The following KIF6 variants were observed in gnomAD, a reference collection of about 807,000 sequenced individuals.
KIF6 encodes kinesin-like protein KIF6.
A neutral mutation model predicts 112.7 loss-of-function variants in KIF6; 106 were observed. That is an observed-to-expected ratio of 0.94 (90% CI 0.80 to 1.11). The LOEUF (loss-of-function observed/expected upper bound fraction) is 1.11, where lower values mean the gene tolerates loss of function less well. Ranked by LOEUF, KIF6 falls within the 50% of genes least tolerant of loss-of-function variation. KIF6 has a pLI of 0.00. For synonymous variants in KIF6, 339 were observed against 339.9 expected (o/e 1.00, Z 0.03); for missense variants, 929 against 964.0 (o/e 0.96, Z 0.48).
intron 2 of KIF6, among the ~76,000 whole-genome samples, chr6:39,718,229 CAAAAAAAAAAAAAA>C (rs35872391): frequency 3.4e-5 from 2 of 58,948 alleles, no homozygotes; most frequent in African/African-American, 6.8e-5. Context: ...GACTCCATCT[CAAAAAAAAAAAAAA>C]AAAAAAAAAA....
At chr6:39,377,675 A>C (rs1017168714) in intron 16 of KIF6, among the ~76,000 whole-genome samples, 33 of 152,200 alleles carry the variant, frequency 2.2e-4, no homozygotes, top group Admixed American at 1.3e-3. Context: ...GGGGGAAAAG[A>C]GCCCTCTCAG....
intron 13 of KIF6, among the ~76,000 whole-genome samples, chr6:39,497,942 G>T (rs368074023): frequency 6.6e-6 from 1 of 152,074 alleles, no homozygotes; most frequent in African/African-American, 2.4e-5. Context: ...TTAAAGAAAC[G>T]TTCTGTCCTA....
At chr6:39,355,152 C>G (rs773410178) in intron 19 of KIF6, among the ~76,000 whole-genome samples, 1 of 152,112 alleles carries the variant, frequency 6.6e-6, no homozygotes, top group Non-Finnish European at 1.5e-5. Flanking sequence ...CACTGCTGTA[C>G]TCCAGCATGA....
Position 39,578,077 on chromosome 6 carries a change from A to G in KIF6, c.1160T>C (p.Leu387Pro). ...TTACTGAAGGAGCTCTGCTTCTGTG[A>G]GTGCCTCTGTCCTCTGCTCCCCAGT... ...MVTGEQRTEALTEAELLQLEK... is the reference protein window; with the variant it reads ...MVTGEQRTEAPTEAELLQLEK... The change falls in exon 10 of 23, where the codon CTC becomes CCC. Residue 387 changes from leucine (L) to proline (P), a missense_variant. Leu to Pro is a moderately conservative substitution (Grantham distance 98, BLOSUM62 -3). This residue lies in a region of KIF6 where 688 missense variants were observed against 662.7 expected (regional missense o/e 1.04). Coordinates refer to ENST00000287152, the MANE Select transcript of KIF6 (RefSeq NM_145027.6). 1 of 1,613,564 alleles carries G rather than the reference A, an allele frequency of 6.2e-7. No individual in the cohort carries two copies. Among genetic ancestry groups the G allele is most frequent in the Admixed American group, 1.7e-5 (1 of 59,998 alleles).
At chr6:39,365,771 G>C (rs537782430) in intron 16 of KIF6, among the ~76,000 whole-genome samples, 1 of 152,326 alleles carries the variant, frequency 6.6e-6, no homozygotes, top group South Asian at 2.1e-4. Context: ...CCACTCTGCG[G>C]TGACTGGCTA....
rs1787653410 is a variant in KIF6 at position 39,683,449 on chromosome 6, A to G, written c.251+31243T>C. Among the ~76,000 whole-genome samples, 3 of 152,234 alleles carry G rather than the reference A, an allele frequency of 2.0e-5. No homozygotes were observed. In the South Asian group the frequency reaches 6.2e-4, roughly 31 times the overall value. Reference sequence around the variant, plus strand: ...ATTGAGGGAGGACAGATTTGGATAAAGAGGATCAAGAGTTCCTTAAAATAT... The same window carrying G: ...ATTGAGGGAGGACAGATTTGGATAAGGAGGATCAAGAGTTCCTTAAAATAT... On this transcript the variant is annotated intron_variant, in intron 3 of 22. Coordinates refer to ENST00000287152, the MANE Select transcript of KIF6 (RefSeq NM_145027.6).
rs1388867511 is a variant in KIF6, at chr6:39,443,113, CAAA to C, written c.1646-11955_1646-11953del. Among the ~76,000 whole-genome samples the C allele has an allele frequency of 4.7e-5, 4 of 84,534 alleles. No individual in the cohort carries two copies. The South Asian group carries it at 1.4e-3, about 29-fold the overall frequency. The allele number at this position is 84,534 out of a possible 152,430, so 55.5% of individuals were successfully genotyped here. On this transcript the variant is annotated intron_variant, in intron 13 of 22. Transcript: ENST00000287152. ...TGGGCGACAGAGTGAGACTGCATCT[CAAA>C]TAATAATAATAATAATAATAATAAT...
chr6:39,533,126 G>T (rs376805547), intron 13 of KIF6, among the ~76,000 whole-genome samples: 2 of 152,238 alleles, frequency 1.3e-5, no homozygotes, highest in South Asian at 2.1e-4. Context: ...AAGGTACTGG[G>T]TTCATCTCAC....
chr6:39,590,451 A>ATT lies in KIF6; in HGVS notation c.847-4049_847-4048dup, dbSNP rs58169713. Among the ~76,000 whole-genome samples, 98 of 84,752 alleles carry ATT rather than the reference A, an allele frequency of 1.2e-3. 1 individual carries two copies. Among genetic ancestry groups the ATT allele is most frequent in the Admixed American group, 1.6e-3 (12 of 7,640 alleles). The allele number at this position is 84,752 out of a possible 152,430, so 55.6% of individuals were successfully genotyped here. On this transcript the variant is annotated intron_variant, in intron 7 of 22. Transcript: ENST00000287152. Reference sequence around the variant, plus strand: ...TGTGTATATATATATATATATATATATTTTTTTTTTTTTTTTGAGATGGAG... The same window carrying ATT: ...TGTGTATATATATATATATATATATATTTTTTTTTTTTTTTTTTGAGATGGAG...
Position 39,539,191 on chromosome 6 carries a change from C to T in KIF6, c.1645+812G>A, listed in dbSNP as rs541354198. ...ATGTAACTAACCTGCATATTGTGCA[C>T]ATGTACCCGAAAACTTAAAGTATAA... On this transcript the variant is annotated intron_variant, in intron 13 of 22. Coordinates refer to ENST00000287152, the MANE Select transcript of KIF6 (RefSeq NM_145027.6). Among the ~76,000 whole-genome samples, 4 of 150,130 alleles carry T rather than the reference C, an allele frequency of 2.7e-5. No individual in the cohort carries two copies. The South Asian group carries it at 8.5e-4, about 32-fold the overall frequency.
chr6:39,680,376 C>T (rs1025939018), intron 3 of KIF6, among the ~76,000 whole-genome samples: 12 of 152,192 alleles, frequency 7.9e-5, no homozygotes, highest in African/African-American at 2.9e-4. Context: ...TAATATTTGT[C>T]AGTAATTCCT....
chr6:39,385,065 A>G (rs879657494), intron 16 of KIF6, among the ~76,000 whole-genome samples: 1 of 152,224 alleles, frequency 6.6e-6, no homozygotes, highest in Non-Finnish European at 1.5e-5. Flanking sequence ...ATGAGGGCTA[A>G]CAGCACCAAG....
chr6:39,603,874 G>C (rs995115003), intron 6 of KIF6, among the ~76,000 whole-genome samples: 10 of 151,876 alleles, frequency 6.6e-5, no homozygotes, highest in Non-Finnish European at 1.2e-4. Context: ...TTCCATTCCT[G>C]TGTACCAAAA....
At chr6:39,667,832 C>T (rs114139887) in intron 3 of KIF6, among the ~76,000 whole-genome samples, 288 of 152,198 alleles carry the variant, frequency 1.9e-3, no homozygotes, top group African/African-American at 6.7e-3. Context: ...GTTTGGATGT[C>T]TGTCCCCTCC....
chr6:39,670,008 T>C (rs768273812), intron 3 of KIF6, among the ~76,000 whole-genome samples: 1 of 152,160 alleles, frequency 6.6e-6, no homozygotes, highest in Non-Finnish European at 1.5e-5. Context: ...GGTCTTTTAA[T>C]GGAAAAAGCT....
At chr6:39,626,339 C>G (rs1391307494) in intron 5 of KIF6, among the ~76,000 whole-genome samples, 1 of 152,200 alleles carries the variant, frequency 6.6e-6, no homozygotes, top group South Asian at 2.1e-4. Flanking sequence ...CTCACCCAGA[C>G]TGACACAAGT....
At chr6:39,615,108 G>A (rs868773742) in intron 5 of KIF6, among the ~76,000 whole-genome samples, 6 of 151,974 alleles carry the variant, frequency 3.9e-5, no homozygotes, top group African/African-American at 1.5e-4. Context: ...AGGCATTCAA[G>A]GCTGCAGTGA....
At chr6:39,673,457 T>C (rs1405214475) in intron 3 of KIF6, among the ~76,000 whole-genome samples, 1 of 152,222 alleles carries the variant, frequency 6.6e-6, no homozygotes, top group Non-Finnish European at 1.5e-5. Context: ...AACAATTTCA[T>C]GAAATCTCTT....
At position 39,516,426 on chromosome 6, in the gene KIF6, T is replaced by C. The variant is rs1005602803; in HGVS notation, c.1645+23577A>G. ...ATGTAAAATATTGTGTCATACTGTATATATTATAAAATATCTAATATATTA... is the reference window on the plus strand; with the variant it reads ...ATGTAAAATATTGTGTCATACTGTACATATTATAAAATATCTAATATATTA... On this transcript the variant is annotated intron_variant, in intron 13 of 22. Transcript: ENST00000287152. Among the ~76,000 whole-genome samples, 21 of 148,200 alleles carry C rather than the reference T, an allele frequency of 1.4e-4. No homozygotes were observed. In the East Asian group the frequency reaches 3.9e-3, roughly 27 times the overall value.
Sources: gnomAD v4.1 joint callset for allele counts (sites outside exome capture counted in the v4.1 genomes callset) on GRCh38, gnomAD v4.1.1 for gene constraint, gnomAD v4.1.1 regional missense constraint, MANE v1.5 for transcripts, NCBI Gene and HGNC (gene_info 2026-07-23, HGNC 2026-07-21) for gene names.